The following SGPP2 variants were observed in gnomAD, a reference collection of about 807,000 sequenced individuals.
The protein encoded by SGPP2 is sphingosine 1-phosphate phosphohydrolase 2.
SGPP2 carries 30 observed loss-of-function variants against 33.9 expected under a neutral mutation model. That is an observed-to-expected ratio of 0.89 (90% CI 0.66 to 1.20). The LOEUF (loss-of-function observed/expected upper bound fraction) is 1.20, where lower values mean the gene tolerates loss of function less well. Among genes scored for constraint, SGPP2 ranks in the 50% most tolerant of loss-of-function variants. The pLI, the probability that SGPP2 is intolerant of heterozygous loss-of-function variation, is 0.00. For missense variants in SGPP2, 458 were observed against 532.1 expected, an observed-to-expected ratio of 0.86 and a Z score of 1.37; for synonymous variants, 233 against 225.0, an observed-to-expected ratio of 1.04 and a Z score of -0.32.
At chr2:222,424,528 G>A, upstream of SGPP2, 2 of 1,046,130 alleles carry the variant, frequency 1.9e-6, no homozygotes, top group Middle Eastern at 7.3e-4. Context: ...GCGGGGGCGA[G>A]GCGGGAGTGG....
In SGPP2 at chr2:222,559,869, A is replaced by T. The variant is rs1007513864; in HGVS notation, c.*971A>T. The T allele has an allele frequency of 1.3e-4, 20 of 152,298 alleles. No homozygotes were observed. Among genetic ancestry groups the T allele is most frequent in the African/African-American group, 4.8e-4 (20 of 41,462 alleles). The allele number at this position is 152,298 out of a possible 1,614,324, so 9.4% of individuals were successfully genotyped here. ...AGGCAGAGCTGTGAGGTCATGGGGAAAAGCCTGCTTTCCTTATAAGTCCTG... is the reference window on the plus strand; with the variant it reads ...AGGCAGAGCTGTGAGGTCATGGGGATAAGCCTGCTTTCCTTATAAGTCCTG... On this transcript the variant is annotated 3_prime_UTR_variant, in exon 5 of 5. Transcript: ENST00000321276.
At chr2:222,478,222 G>C (rs183148902) in intron 2 of SGPP2, among the ~76,000 whole-genome samples, 1 of 150,524 alleles carries the variant, frequency 6.6e-6, no homozygotes, top group South Asian at 2.1e-4. Context: ...GGGAGGTGCG[G>C]GTGTGCTTGC....
At chr2:222,542,999 T>C (rs1193420202) in intron 4 of SGPP2, among the ~76,000 whole-genome samples, 2 of 152,146 alleles carry the variant, frequency 1.3e-5, no homozygotes, top group Non-Finnish European at 2.9e-5. Flanking sequence ...CTATGTCACC[T>C]AAGCTGGAGC....
intron 1 of SGPP2, among the ~76,000 whole-genome samples, chr2:222,440,158 C>T (rs1697302706): frequency 6.6e-6 from 1 of 152,162 alleles, no homozygotes; most frequent in African/African-American, 2.4e-5. Flanking sequence ...GAGAAGGTGG[C>T]TTCTGAGCCT....
At position 222,558,833 on chromosome 2, in the gene SGPP2, A is replaced by G. The variant is rs1355133875; in HGVS notation, c.1135A>G (p.Thr379Ala). Residue 379 changes from threonine (T) to alanine (A), a missense_variant, in exon 5 of 5, where the codon ACA becomes GCA. By Grantham distance (58) the Thr-to-Ala change is moderately conservative (BLOSUM62 0). Coordinates refer to ENST00000321276, the MANE Select transcript of SGPP2 (RefSeq NM_152386.4). ...AGTGCCTTACAAGTTTGTTACCTAC[A>G]CATCTGTTGGCATCTGCGCTACAAC... ...IEVPYKFVTY[T>A]SVGICATTFV... 2 of 1,614,120 alleles carry G rather than the reference A, an allele frequency of 1.2e-6. No homozygotes were observed. Among genetic ancestry groups the G allele is most frequent in the Admixed American group, 1.7e-5 (1 of 60,028 alleles).
intron 2 of SGPP2, among the ~76,000 whole-genome samples, chr2:222,491,157 C>T (rs1340067313): frequency 6.6e-6 from 1 of 151,128 alleles, no homozygotes; most frequent in South Asian, 2.1e-4. Flanking sequence ...TTTTTTGAAA[C>T]AGAGTCTTGA....
chr2:222,491,704 A>C (rs1698199892), intron 2 of SGPP2, among the ~76,000 whole-genome samples: 1 of 152,068 alleles, frequency 6.6e-6, no homozygotes, highest in African/African-American at 2.4e-5. Context: ...GGCCCTTCCC[A>C]AATCTCACAT....
chr2:222,467,479 G>A (rs1013983334), intron 1 of SGPP2, among the ~76,000 whole-genome samples: 2 of 151,422 alleles, frequency 1.3e-5, no homozygotes, highest in African/African-American at 4.9e-5. Context: ...GGAAGCTGAA[G>A]CTCAGGAGAT....
At chr2:222,552,583 G>A (rs1255112393) in intron 4 of SGPP2, among the ~76,000 whole-genome samples, 6 of 152,152 alleles carry the variant, frequency 3.9e-5, no homozygotes, top group African/African-American at 1.4e-4. Flanking sequence ...TACTCAAGCC[G>A]GGTTTAGTGG....
chr2:222,551,703 C>G (rs1689296864), intron 4 of SGPP2, among the ~76,000 whole-genome samples: 1 of 152,082 alleles, frequency 6.6e-6, no homozygotes, highest in African/African-American at 2.4e-5. Flanking sequence ...GGGCTATGAA[C>G]CAAAATAGTC....
In SGPP2 at chr2:222,521,827, C is replaced by G. The variant is rs755483300; in HGVS notation, c.439C>G (p.Pro147Ala). The G allele has an allele frequency of 6.2e-7, 1 of 1,611,036 alleles. No homozygotes were observed. The highest frequency in any genetic ancestry group is 1.1e-5 in the South Asian group (1 of 90,284). Residue 147 changes from proline to alanine, a missense_variant, in exon 3 of 5, where the codon CCT (proline) becomes GCT (alanine). Coordinates refer to ENST00000321276, the MANE Select transcript of SGPP2 (RefSeq NM_152386.4). ...DVLKWPRPSSPPVVKLEKRLI... is the reference protein window; with the variant it reads ...DVLKWPRPSSAPVVKLEKRLI... ...CTTGAAGTGGCCCCGTCCCTCCTCC[C>G]CTCCAGTTGTAAAACTGGAAAAGAG...
At chr2:222,513,245 G>A (rs1226877201) in intron 2 of SGPP2, among the ~76,000 whole-genome samples, 2 of 152,198 alleles carry the variant, frequency 1.3e-5, no homozygotes, top group Non-Finnish European at 2.9e-5. Context: ...AACATTTATA[G>A]TAATGTTTTT....
rs540596699 is a variant in SGPP2, at chr2:222,461,274, A to T, written c.220-13294A>T. Among the ~76,000 whole-genome samples, 4 of 152,234 alleles carry T rather than the reference A, an allele frequency of 2.6e-5. No individual in the cohort carries two copies. In the East Asian group the frequency reaches 7.7e-4, roughly 29 times the overall value. On this transcript the variant is annotated intron_variant, in intron 1 of 4. Transcript: ENST00000321276. ...TAGTAAAGAAGCTGGTGTTGTCCCC[A>T]CTGCAAGGTGAAGTTATAAGTTCAG... is the stretch of plus-strand genomic sequence containing the variant.
At chr2:222,473,924 C>CAAAAAAAAAAAAAAAAAAA (rs59649395) in intron 1 of SGPP2, among the ~76,000 whole-genome samples, 2 of 127,418 alleles carry the variant, frequency 1.6e-5, no homozygotes, top group African/African-American at 3.2e-5. Flanking sequence ...AACTCTGTCT[C>CAAAAAAAAAAAAAAAAAAA]AAAAAAAAAA....
chr2:222,558,440 CT>C lies in SGPP2; in HGVS notation c.743del (p.Leu248ProfsTer7), dbSNP rs1559179675. On this transcript the variant is annotated frameshift_variant, in exon 5 of 5. Coordinates refer to ENST00000321276, the MANE Select transcript of SGPP2 (RefSeq NM_152386.4). LOFTEE classifies it high-confidence loss of function. ...FIDCLDSASP[L>X]FPVCVIVVPF... ...CGACTGCCTGGACTCGGCCAGCCCCCTCTTCCCCGTGTGTGTCATAGTTGTG... is the reference window on the plus strand; with the variant it reads ...CGACTGCCTGGACTCGGCCAGCCCCCCTTCCCCGTGTGTGTCATAGTTGTG... 1 of 1,614,194 alleles carries C rather than the reference CT, an allele frequency of 6.2e-7. No homozygotes were observed. Among genetic ancestry groups the C allele is most frequent in the African/African-American group, 1.3e-5 (1 of 75,032 alleles).
intron 1 of SGPP2, among the ~76,000 whole-genome samples, chr2:222,435,521 GATC>G (rs1697226157): frequency 6.6e-6 from 1 of 152,032 alleles, no homozygotes; most frequent in Non-Finnish European, 1.5e-5. Context: ...CATCTCCTGA[GATC>G]ATATGTAATC....
rs541597754 is a variant in SGPP2, at chr2:222,516,265, A to G, written c.379-5502A>G. On this transcript the variant is annotated intron_variant, in intron 2 of 4. Coordinates refer to ENST00000321276, the MANE Select transcript of SGPP2 (RefSeq NM_152386.4). ...TACGTAAACAAATCATGTAGTATGT[A>G]CTGTTTACTTTGTCATTTGTCTTGG... 4.6e-5 allele frequency among the ~76,000 whole-genome samples: 7 copies of G among 152,294 alleles called. No homozygotes were observed. The East Asian group carries it at 1.3e-3, about 29-fold the overall frequency.
chr2:222,471,752 C>T (rs560443010), intron 1 of SGPP2, among the ~76,000 whole-genome samples: 1 of 152,296 alleles, frequency 6.6e-6, no homozygotes, highest in Admixed American at 6.5e-5. Context: ...AGAAAAATCT[C>T]CCTGTAACAG....
At chr2:222,533,366 T>C (rs2106142906) in intron 4 of SGPP2, among the ~76,000 whole-genome samples, 1 of 152,264 alleles carries the variant, frequency 6.6e-6, no homozygotes, top group Middle Eastern at 3.4e-3. Context: ...GACCCAGCAC[T>C]ACCCTTGGAC....
Sources: allele counts gnomAD v4.1 joint callset (sites outside exome capture counted in the v4.1 genomes callset), GRCh38; gene constraint gnomAD v4.1.1; transcripts MANE v1.5; gene names NCBI Gene and HGNC (gene_info 2026-07-23, HGNC 2026-07-21).